STOX2: variants seen among roughly 807,000 people sequenced by gnomAD.
STOX2 encodes the protein storkhead-box protein 2.
A neutral mutation model predicts 60.9 loss-of-function variants in STOX2; 28 were observed. That is an observed-to-expected ratio of 0.46 (90% CI 0.34 to 0.63). STOX2 has a LOEUF of 0.63. STOX2 is among the 30% of genes least tolerant of loss of function. The probability of loss-of-function intolerance (pLI) is 0.01; values close to 1 mark genes in which losing one functional copy is unlikely to be tolerated. For missense variants in STOX2, 1,024 were observed against 1,187.7 expected (o/e 0.86, Z 2.03); for synonymous variants, 472 against 463.9 (o/e 1.02, Z -0.22).
At chr4:183,798,162 G>T in intron 1 of STOX2, 1 of 1,108,866 alleles carries the variant, frequency 9.0e-7, no homozygotes, top group Non-Finnish European at 1.1e-6. Flanking sequence ...GGGCACCGCC[G>T]AGGCTCCCCT....
At chr4:184,014,110 C>CAAAAAAAAAAA (rs10527539) in intron 3 of STOX2, 2 of 138,642 alleles carry the variant, frequency 1.4e-5, no homozygotes, top group African/African-American at 5.4e-5. Flanking sequence ...AAGCCCCAAC[C>CAAAAAAAAAAA]AAAAAAAAAA....
chr4:183,969,474 C>A (rs997222008), intron 1 of STOX2, among the ~76,000 whole-genome samples: 8 of 152,172 alleles, frequency 5.3e-5, no homozygotes, highest in African/African-American at 1.4e-4. Context: ...TGCTTTGTTG[C>A]CCAAGCTGCT....
intron 1 of STOX2, among the ~76,000 whole-genome samples, chr4:183,860,442 C>CAAAAAAAAAAAAAAAAAAAAAA (rs35753992): frequency 5.0e-4 from 61 of 121,408 alleles, no homozygotes; most frequent in Non-Finnish European, 7.2e-4. Context: ...AAACAAAAAA[C>CAAAAAAAAAAAAAAAAAAAAAA]AAAAAAAAAA....
At chr4:183,822,087 C>T (rs573878621) in intron 1 of STOX2, among the ~76,000 whole-genome samples, 23 of 152,286 alleles carry the variant, frequency 1.5e-4, no homozygotes, top group South Asian at 6.2e-4. Context: ...TTTCAGGCCC[C>T]GGATTATGGA....
At chr4:183,890,999 A>G (rs911953440) in intron 1 of STOX2, among the ~76,000 whole-genome samples, 14 of 152,074 alleles carry the variant, frequency 9.2e-5, no homozygotes, top group African/African-American at 3.4e-4. Flanking sequence ...AGTCCTAGCT[A>G]CTTGGGAGCC....
chr4:183,995,844 T>G (rs6552727), intron 1 of STOX2, among the ~76,000 whole-genome samples: 126,858 of 151,946 alleles, frequency 0.83, 53,005 homozygotes, highest in Middle Eastern at 0.86. Flanking sequence ...AGCTCCCCAG[T>G]CTCAGCTCCC....
At chr4:183,903,913 A>T (rs929048369), upstream of STOX2, among the ~76,000 whole-genome samples, 2 of 152,192 alleles carry the variant, frequency 1.3e-5, no homozygotes, top group African/African-American at 4.8e-5. Flanking sequence ...TGTGCACTTT[A>T]TTTCTTTTAT....
chr4:183,889,267 G>A (rs78451952), intron 1 of STOX2, among the ~76,000 whole-genome samples: 2 of 152,120 alleles, frequency 1.3e-5, no homozygotes, highest in African/African-American at 4.8e-5. Context: ...CATCCAGCAT[G>A]ACTGGTGTCC....
At chr4:184,003,271 C>T (rs1733673649) in intron 2 of STOX2, among the ~76,000 whole-genome samples, 1 of 152,150 alleles carries the variant, frequency 6.6e-6, no homozygotes, top group Admixed American at 6.5e-5. Context: ...TGGTTACGTA[C>T]CACCCATTTT....
chr4:183,912,754 A>G (rs1277104857), intron 1 of STOX2, among the ~76,000 whole-genome samples: 1 of 152,220 alleles, frequency 6.6e-6, no homozygotes, highest in African/African-American at 2.4e-5. Context: ...TTTTGCCAGC[A>G]ACCACAGAGC....
intron 1 of STOX2, chr4:183,798,094 A>C (rs75942758): frequency 0.26 from 319,989 of 1,223,326 alleles, 43,193 homozygotes; most frequent in Middle Eastern, 0.3. Context: ...GTCCCTTCCC[A>C]CCGGATCGCG....
At chr4:183,944,236 A>G (rs904933492) in intron 1 of STOX2, among the ~76,000 whole-genome samples, 5 of 152,224 alleles carry the variant, frequency 3.3e-5, no homozygotes, top group African/African-American at 1.2e-4. Context: ...GCTTAATTAA[A>G]GCCAGGGCTG....
At position 183,836,066 on chromosome 4, in the gene STOX2, G is replaced by A. The variant is rs1739701024; in HGVS notation, c.364+38011G>A. On this transcript the variant is annotated intron_variant, in intron 1 of 2. Coordinates refer to the STOX2 transcript ENST00000513034. This position sits in a 1 kb window ranked among gnomAD's most constrained non-coding sequence, Gnocchi z 4.1. ...TTTTTTATCTGAGCCATCCTAGTGG[G>A]TGGAAAGTGGTATCCACTGCAGTTT... Among the ~76,000 whole-genome samples, 1 of 152,118 alleles carries A rather than the reference G, an allele frequency of 6.6e-6. No individual in the cohort carries two copies. The highest frequency in any genetic ancestry group is 1.5e-5 in the Non-Finnish European group (1 of 68,022).
At chr4:183,983,035 T>C (rs953943262) in intron 1 of STOX2, among the ~76,000 whole-genome samples, 1 of 152,128 alleles carries the variant, frequency 6.6e-6, no homozygotes, top group African/African-American at 2.4e-5. Flanking sequence ...TTGCTACCAA[T>C]CTCCTTCATA....
chr4:183,861,278 C>G (rs762504687), intron 1 of STOX2, among the ~76,000 whole-genome samples: 49 of 145,274 alleles, frequency 3.4e-4, no homozygotes, highest in Admixed American at 9.3e-4. Flanking sequence ...CAACAAAACC[C>G]CCAGGTGGGA....
chr4:183,951,042 C>T (rs1453874528), intron 1 of STOX2, among the ~76,000 whole-genome samples: 7 of 151,672 alleles, frequency 4.6e-5, no homozygotes, highest in Admixed American at 2.0e-4. Flanking sequence ...GGTGAAACCC[C>T]GTCTCTACTA....
At chr4:183,807,003 T>C (rs189243948) in intron 1 of STOX2, among the ~76,000 whole-genome samples, 243 of 151,896 alleles carry the variant, frequency 1.6e-3, no homozygotes, top group African/African-American at 2.8e-3. Context: ...GACGGAGTCT[T>C]GCTCTGTCGC....
chr4:183,884,534 A>C (rs963361130), intron 1 of STOX2, among the ~76,000 whole-genome samples: 2 of 152,126 alleles, frequency 1.3e-5, no homozygotes, highest in African/African-American at 4.8e-5. Flanking sequence ...TTCACTACAA[A>C]CTATATTCCA....
In STOX2 at chr4:183,897,734, C is replaced by T. The variant is rs546662859; in HGVS notation, c.364+99679C>T. On this transcript the variant is annotated intron_variant, in intron 1 of 2. Transcript: ENST00000513034. ...AGCATATGCAGAATAAAAACAGATCCTGAGGTTCATTTCAAGTAATACGGT... is the reference window on the plus strand; with the variant it reads ...AGCATATGCAGAATAAAAACAGATCTTGAGGTTCATTTCAAGTAATACGGT... Among the ~76,000 whole-genome samples the T allele has an allele frequency of 4.6e-5, 7 of 152,296 alleles. No homozygotes were observed. The South Asian group carries it at 1.4e-3, about 32-fold the overall frequency.
Sources: gnomAD v4.1 joint callset for allele counts (sites outside exome capture counted in the v4.1 genomes callset) on GRCh38, gnomAD v4.1.1 for gene constraint, Gnocchi (gnomAD v3.1) non-coding constraint, MANE v1.5 for transcripts, NCBI Gene and HGNC (gene_info 2026-07-23, HGNC 2026-07-21) for gene names.